Variants in HHIP observed in about 807,000 individuals in gnomAD.
The protein encoded by HHIP is hedgehog-interacting protein.
In HHIP, 12 loss-of-function variants were observed where a neutral mutation model predicts 74.0. The ratio of observed to expected loss-of-function variants is 0.16; its 90% CI spans 0.10 to 0.26. HHIP has a LOEUF of 0.26. Among genes scored for constraint, HHIP ranks in the 10% least tolerant of loss-of-function variants. The pLI is 1.00. For missense variants in HHIP, 788 were observed against 845.0 expected (o/e 0.93, Z 0.84); for synonymous variants, 309 against 311.6 (o/e 0.99, Z 0.09).
At chr4:144,681,056 T>C (rs768754205) in intron 4 of HHIP, among the ~76,000 whole-genome samples, 4 of 152,154 alleles carry the variant, frequency 2.6e-5, no homozygotes, top group Non-Finnish European at 5.9e-5. Context: ...TACATAAAAG[T>C]ATCATGAAAA....
Position 144,743,247 on chromosome 4 carries a change from T to C in HHIP, c.*5290T>C, listed in dbSNP as rs1731312746. 6.6e-6 allele frequency: 1 copy of C among 151,474 alleles called. No individual in the cohort carries two copies. Among genetic ancestry groups the C allele is most frequent in the East Asian group, 1.9e-4 (1 of 5,172 alleles). The allele number at this position is 151,474 out of a possible 1,614,324, so 9.4% of individuals were successfully genotyped here. On this transcript the variant is annotated 3_prime_UTR_variant, in exon 13 of 13. Coordinates refer to ENST00000296575, the MANE Select transcript of HHIP (RefSeq NM_022475.3). ...TTCTCAGTCATAGTGGTGGTTTTCCTAGCTGCTATGGAAAGGTTTGTTCAC... is the reference window on the plus strand; with the variant it reads ...TTCTCAGTCATAGTGGTGGTTTTCCCAGCTGCTATGGAAAGGTTTGTTCAC...
rs1731297096 is a variant in HHIP at position 144,742,950 on chromosome 4, TCTTATA to T, written c.*4995_*5000del. 3.4e-5 allele frequency: 1 copy of T among 29,186 alleles called. No homozygotes were observed. Among genetic ancestry groups the T allele is most frequent in the Non-Finnish European group, 7.0e-5 (1 of 14,202 alleles). 1.8% of individuals were successfully genotyped at this position (29,186 alleles called of 1,614,324 possible). A position where few individuals can be genotyped will look rare whatever the true frequency, so the allele number is the denominator to read the frequency against. On this transcript the variant is annotated 3_prime_UTR_variant, in exon 13 of 13. Coordinates refer to ENST00000296575, the MANE Select transcript of HHIP (RefSeq NM_022475.3). ...TCTTTATATATATCTTATATATATA[TCTTATA>T]CATATAAGATATATGTATATATATA...
At chr4:144,653,911 T>A (rs1040562413) in intron 2 of HHIP, among the ~76,000 whole-genome samples, 13 of 152,142 alleles carry the variant, frequency 8.5e-5, no homozygotes, top group African/African-American at 3.1e-4. Flanking sequence ...CTAAGCCTTT[T>A]CTCAAGCAGC....
chr4:144,679,804 T>C (rs1275000018), intron 4 of HHIP, among the ~76,000 whole-genome samples: 2 of 152,230 alleles, frequency 1.3e-5, no homozygotes, highest in East Asian at 3.8e-4. Flanking sequence ...CAGTATTTCT[T>C]TATACTTTGA....
intron 1 of HHIP, 51 bp downstream of exon 1, chr4:144,647,005 G>C: frequency 6.6e-7 from 1 of 1,507,186 alleles, no homozygotes; most frequent in Non-Finnish European, 8.9e-7. Flanking sequence ...TGGCTGGGTG[G>C]GGTTCCCTGT....
chr4:144,651,630 T>TA (rs1156346646), intron 1 of HHIP, among the ~76,000 whole-genome samples: 2 of 152,030 alleles, frequency 1.3e-5, no homozygotes, highest in Admixed American at 6.6e-5. Flanking sequence ...GTTTTTAATA[T>TA]AAAAAATCAA....
chr4:144,715,423 T>C lies in HHIP; in HGVS notation c.1671T>C (p.Asp557=), dbSNP rs201925598. 1.4e-5 allele frequency: 23 copies of C among 1,613,306 alleles called. No individual in the cohort carries two copies. The South Asian group carries it at 2.3e-4, about 16-fold the overall frequency. The change falls in exon 10 of 13, where the codon GAT becomes GAC. Residue 557 remains aspartate, a synonymous_variant. Coordinates refer to ENST00000296575, the MANE Select transcript of HHIP (RefSeq NM_022475.3). The part of the protein sequence containing the change: ...FSGHILGFGE[D]ELGEVYILSS... ...GTCACATCTTGGGATTTGGAGAAGATGAACTAGGTACTGTACAATCTAGTT... is the reference window on the plus strand; with the variant it reads ...GTCACATCTTGGGATTTGGAGAAGACGAACTAGGTACTGTACAATCTAGTT...
rs17019647 is a variant in HHIP, at chr4:144,707,576, C to T, written c.1157+316C>T. ...TCAACACTGTGTAATAGGCTAACAC[C>T]GCCCAGCGAACCTTCCTGGGAGATA... On this transcript the variant is annotated intron_variant, in intron 6 of 12. Coordinates refer to ENST00000296575, the MANE Select transcript of HHIP (RefSeq NM_022475.3). Among the ~76,000 whole-genome samples the T allele has an allele frequency of 3.7e-3, 510 of 138,378 alleles. 3 individuals carry two copies. Among genetic ancestry groups the T allele is most frequent in the African/African-American group, 0.012 (467 of 37,540 alleles). 90.8% of individuals were successfully genotyped at this position (138,378 alleles called of 152,430 possible).
intron 4 of HHIP, among the ~76,000 whole-genome samples, chr4:144,670,770 A>G (rs1328127820): frequency 1.4e-5 from 2 of 145,902 alleles, no homozygotes; most frequent in African/African-American, 5.2e-5. Context: ...ATTTGAAAAA[A>G]AAAAAAAAAA....
intron 4 of HHIP, among the ~76,000 whole-genome samples, chr4:144,668,349 C>T (rs1728935562): frequency 1.3e-5 from 2 of 151,190 alleles, no homozygotes. Context: ...GTAAAATGTG[C>T]CATGAAATCA....
intron 1 of HHIP, among the ~76,000 whole-genome samples, chr4:144,649,277 G>A (rs1031427465): frequency 2.6e-5 from 4 of 151,658 alleles, no homozygotes; most frequent in African/African-American, 9.7e-5. Context: ...AGCTTTTCAA[G>A]AAACTACAGT....
At chr4:144,678,084 A>T (rs912302406) in intron 4 of HHIP, among the ~76,000 whole-genome samples, 16 of 152,124 alleles carry the variant, frequency 1.1e-4, no homozygotes, top group African/African-American at 3.9e-4. Context: ...CATCTATACA[A>T]CCTATAGTCC....
At chr4:144,722,650 C>T (rs1730669661) in intron 11 of HHIP, among the ~76,000 whole-genome samples, 1 of 152,148 alleles carries the variant, frequency 6.6e-6, no homozygotes, top group South Asian at 2.1e-4. Flanking sequence ...GTCAGGAGTT[C>T]AAGACCAGCC....
intron 4 of HHIP, among the ~76,000 whole-genome samples, chr4:144,677,557 A>G (rs1445122475): frequency 6.6e-6 from 1 of 152,204 alleles, no homozygotes; most frequent in Non-Finnish European, 1.5e-5. Context: ...CAGAGTCCAA[A>G]GCACTCAGCC....
intron 4 of HHIP, among the ~76,000 whole-genome samples, chr4:144,664,758 G>C (rs1325054987): frequency 6.6e-6 from 1 of 152,178 alleles, no homozygotes; most frequent in Non-Finnish European, 1.5e-5. Context: ...GAAAGCAACA[G>C]ATTATATTTG....
chr4:144,731,578 C>T lies in HHIP; in HGVS notation c.1761-3163C>T, dbSNP rs554666574. Among the ~76,000 whole-genome samples the T allele has an allele frequency of 2.8e-4, 43 of 152,156 alleles. No homozygotes were observed. The South Asian group carries it at 8.7e-3, about 31-fold the overall frequency. On this transcript the variant is annotated intron_variant, in intron 11 of 12. Transcript: ENST00000296575. Reference sequence around the variant, plus strand: ...GGGATTACAGACACCCAGGACGACACCCAGCTAATTTTTGTATTTTTAGTA... The same window carrying T: ...GGGATTACAGACACCCAGGACGACATCCAGCTAATTTTTGTATTTTTAGTA...
At chr4:144,725,142 T>C (rs1484153362) in intron 11 of HHIP, among the ~76,000 whole-genome samples, 2 of 152,194 alleles carry the variant, frequency 1.3e-5, no homozygotes, top group African/African-American at 4.8e-5. Context: ...TTGCAGAACC[T>C]TAAAGACAGA....
intron 12 of HHIP, among the ~76,000 whole-genome samples, chr4:144,736,876 C>A (rs1011208673): frequency 1.4e-5 from 2 of 146,164 alleles, no homozygotes; most frequent in Non-Finnish European, 2.9e-5. Context: ...CTTTTTCTAT[C>A]CCATGTGTCA....
intron 4 of HHIP, among the ~76,000 whole-genome samples, chr4:144,669,916 C>T (rs1029784838): frequency 2.0e-5 from 3 of 146,714 alleles, no homozygotes; most frequent in East Asian, 4.0e-4. Context: ...GGAAGCCAAG[C>T]GGATCACGAG....
Sources: allele counts gnomAD v4.1 joint callset (sites outside exome capture counted in the v4.1 genomes callset), GRCh38; gene constraint gnomAD v4.1.1; transcripts MANE v1.5; gene names NCBI Gene and HGNC (gene_info 2026-07-23, HGNC 2026-07-21).